The following WDR27 variants were observed in gnomAD, a reference collection of about 807,000 sequenced individuals.
The protein encoded by WDR27 is WD repeat-containing protein 27.
In WDR27, 100 loss-of-function variants were observed where a neutral mutation model predicts 114.4. The observed-to-expected ratio is 0.87, with a 90% CI of 0.74 to 1.03. The LOEUF is 1.03. WDR27 is among the 50% of genes least tolerant of loss of function. The pLI is 0.00. For missense variants in WDR27, 1,129 were observed against 1,092.9 expected (o/e 1.03, Z -0.47); for synonymous variants, 449 against 423.1 (o/e 1.06, Z -0.75).
intron 25 of WDR27, among the ~76,000 whole-genome samples, chr6:169,497,023 T>C (rs1247194632): frequency 6.6e-6 from 1 of 152,082 alleles, no homozygotes; most frequent in Non-Finnish European, 1.5e-5. Context: ...ACCTACACTT[T>C]CTAATTTCAC....
intron 23 of WDR27, among the ~76,000 whole-genome samples, chr6:169,587,306 C>A (rs1198868036): frequency 6.6e-6 from 1 of 150,624 alleles, no homozygotes; most frequent in East Asian, 1.9e-4. Flanking sequence ...ACAACCTCCA[C>A]CTCCTGGGCT....
intron 22 of WDR27, among the ~76,000 whole-genome samples, chr6:169,608,388 T>C (rs1234247142): frequency 6.6e-6 from 1 of 152,194 alleles, no homozygotes; most frequent in South Asian, 2.1e-4. Flanking sequence ...TACCCTAGAC[T>C]GGGCAATTTA....
At chr6:169,586,378 GC>G (rs1804565466) in intron 23 of WDR27, among the ~76,000 whole-genome samples, 4 of 152,080 alleles carry the variant, frequency 2.6e-5, no homozygotes, top group Non-Finnish European at 4.4e-5. Context: ...TTTTCATGAT[GC>G]TCTCTCTATC....
intron 25 of WDR27, among the ~76,000 whole-genome samples, chr6:169,486,823 G>A (rs1278219267): frequency 1.3e-5 from 2 of 152,140 alleles, no homozygotes; most frequent in African/African-American, 2.4e-5. Flanking sequence ...CCTTTTCCTC[G>A]ATGTTTTCAC....
At chr6:169,548,882 C>CA (rs1462346488) in intron 25 of WDR27, among the ~76,000 whole-genome samples, 1 of 152,182 alleles carries the variant, frequency 6.6e-6, no homozygotes, top group African/African-American at 2.4e-5. Context: ...ATAGACCTTA[C>CA]ACCCTTCACA....
chr6:169,665,336 C>T, intron 7 of WDR27, 150 bp downstream of exon 7: 1 of 1,414,988 alleles, frequency 7.1e-7, no homozygotes, highest in Non-Finnish European at 9.2e-7. Context: ...GACGCTGAGA[C>T]CCACAGAAGG....
At chr6:169,599,350 T>G (rs1807467055) in intron 23 of WDR27, among the ~76,000 whole-genome samples, 1 of 152,204 alleles carries the variant, frequency 6.6e-6, no homozygotes, top group African/African-American at 2.4e-5. Context: ...CATCTATAAT[T>G]TAGCTGAATT....
chr6:169,534,719 A>G (rs1195936252), intron 25 of WDR27, among the ~76,000 whole-genome samples: 4 of 151,888 alleles, frequency 2.6e-5, no homozygotes, highest in Non-Finnish European at 5.9e-5. Flanking sequence ...AAATCTCTAT[A>G]AAGTTGGTGG....
chr6:169,698,494 AAC>A (rs1235401639), intron 1 of WDR27, among the ~76,000 whole-genome samples: 1 of 152,212 alleles, frequency 6.6e-6, no homozygotes, highest in Admixed American at 6.5e-5. Context: ...CCTCCCATTG[AAC>A]AGAGGTCAGA....
intron 19 of WDR27, among the ~76,000 whole-genome samples, chr6:169,635,378 C>T (rs956491362): frequency 2.6e-5 from 4 of 152,124 alleles, no homozygotes; most frequent in South Asian, 2.1e-4. Context: ...AGTGAGACTC[C>T]GTCTCAAAAA....
At chr6:169,437,151 A>G in the WDR27 span, among the ~76,000 whole-genome samples, 1 of 152,216 alleles carries the variant, frequency 6.6e-6, no homozygotes, top group Non-Finnish European at 1.5e-5. Context: ...GGGAAATTAT[A>G]GAACAAAAAC....
chr6:169,494,005 G>A (rs181573390), intron 25 of WDR27, among the ~76,000 whole-genome samples: 8 of 152,258 alleles, frequency 5.3e-5, no homozygotes, highest in Admixed American at 2.6e-4. Flanking sequence ...TGATACTTTC[G>A]ACTGTCAATT....
intron 25 of WDR27, among the ~76,000 whole-genome samples, chr6:169,501,627 C>T (rs1453926007): frequency 1.3e-5 from 2 of 152,224 alleles, no homozygotes; most frequent in African/African-American, 4.8e-5. Flanking sequence ...CACTTTCCCA[C>T]GAACTGTAGG....
chr6:169,541,038 A>G (rs895932676), intron 25 of WDR27, among the ~76,000 whole-genome samples: 1 of 152,316 alleles, frequency 6.6e-6, no homozygotes, highest in South Asian at 2.1e-4. Flanking sequence ...TCTATCTGAA[A>G]TAAGCCTCCC....
At chr6:169,669,027 T>C (rs1828661719) in intron 4 of WDR27, among the ~76,000 whole-genome samples, 1 of 152,240 alleles carries the variant, frequency 6.6e-6, no homozygotes, top group Admixed American at 6.5e-5. Flanking sequence ...TTATGAAATA[T>C]ACATTTCCAT....
rs1788120264 is a variant in WDR27, at chr6:169,701,699, C to T, written c.-156G>A. 1.1e-5 allele frequency: 2 copies of T among 181,632 alleles called. No individual in the cohort carries two copies. The highest frequency in any genetic ancestry group is 1.7e-4 in the South Asian group (2 of 11,484). The allele number at this position is 181,632 out of a possible 1,614,324, so 11.3% of individuals were successfully genotyped here. Reference sequence around the variant, plus strand: ...GGCGTCAGGAGGAGGCTTCGGGTGACGAGACAGCGGGCAACGGCTCTGGTC... The same window carrying T: ...GGCGTCAGGAGGAGGCTTCGGGTGATGAGACAGCGGGCAACGGCTCTGGTC... On this transcript the variant is annotated 5_prime_UTR_variant, in exon 1 of 26. Coordinates refer to ENST00000448612, the MANE Select transcript of WDR27 (RefSeq NM_182552.5).
chr6:169,701,756 C>T lies in WDR27; in HGVS notation c.-213G>A. 1 of 247,180 alleles carries T rather than the reference C, an allele frequency of 4.0e-6. No individual in the cohort carries two copies. Among genetic ancestry groups the T allele is most frequent in the Non-Finnish European group, 8.0e-6 (1 of 124,726 alleles). The allele number at this position is 247,180 out of a possible 1,614,324, so 15.3% of individuals were successfully genotyped here. On this transcript the variant is annotated 5_prime_UTR_variant, in exon 1 of 26. Transcript: ENST00000448612. Reference sequence around the variant, plus strand: ...GCGCGTGTCCGCCGTTGGAAGCGGTCACGGCGGAACCCTCAAATCGCCCCC... The same window carrying T: ...GCGCGTGTCCGCCGTTGGAAGCGGTTACGGCGGAACCCTCAAATCGCCCCC...
chr6:169,549,581 CA>C (rs1797846700), intron 25 of WDR27, among the ~76,000 whole-genome samples: 1 of 152,202 alleles, frequency 6.6e-6, no homozygotes, highest in Non-Finnish European at 1.5e-5. Context: ...TGGATGTTTA[CA>C]GCAGCTTTAT....
intron 24 of WDR27, among the ~76,000 whole-genome samples, chr6:169,577,268 T>A (rs1388376710): frequency 6.6e-6 from 1 of 150,980 alleles, no homozygotes; most frequent in Non-Finnish European, 1.5e-5. Context: ...GACGCGGAGG[T>A]GGTGGCTGAG....
Sources: allele counts gnomAD v4.1 joint callset (sites outside exome capture counted in the v4.1 genomes callset), GRCh38; gene constraint gnomAD v4.1.1; transcripts MANE v1.5; gene names NCBI Gene and HGNC (gene_info 2026-07-23, HGNC 2026-07-21).